The following SEC14L5 variants were observed in gnomAD, a reference collection of about 807,000 sequenced individuals.
The protein encoded by SEC14L5 is SEC14-like protein 5.
Under a neutral mutation model 84.6 loss-of-function variants are expected in SEC14L5, and 96 were observed. The ratio of observed to expected loss-of-function variants is 1.13; its 90% CI spans 0.96 to 1.34. The LOEUF is 1.34. SEC14L5 is among the 40% of genes most tolerant of loss of function. The pLI is 0.00. For synonymous variants in SEC14L5, 546 were observed against 383.4 expected, an observed-to-expected ratio of 1.42 and a Z score of -4.95; for missense variants, 1,224 against 942.5, an observed-to-expected ratio of 1.30 and a Z score of -3.91.
chr16:4,995,215 C>A (rs1393259248), intron 6 of SEC14L5, among the ~76,000 whole-genome samples: 1 of 152,230 alleles, frequency 6.6e-6, no homozygotes, highest in Non-Finnish European at 1.5e-5. Flanking sequence ...GAGGCTGCTG[C>A]TTTGTGTGAC....
intron 2 of SEC14L5, among the ~76,000 whole-genome samples, chr16:4,965,588 G>T (rs1201027319): frequency 6.7e-6 from 1 of 149,402 alleles, no homozygotes; most frequent in Non-Finnish European, 1.5e-5. Context: ...GTGAAACCGG[G>T]AGGCGGAGCT....
Position 5,014,936 on chromosome 16 carries a change from G to A in SEC14L5, c.2057G>A (p.Gly686Asp), listed in dbSNP as rs753934596. 1.2e-6 allele frequency: 2 copies of A among 1,612,338 alleles called. No homozygotes were observed. Among genetic ancestry groups the A allele is most frequent in the Admixed American group, 3.3e-5 (2 of 60,020 alleles). The change falls in exon 16 of 16, where the codon GGC (glycine) becomes GAC (aspartate). Residue 686 changes from glycine (G) to aspartate (D), a missense_variant. Gly to Asp is a moderately conservative substitution (Grantham distance 94). Coordinates refer to ENST00000251170, the MANE Select transcript of SEC14L5 (RefSeq NM_014692.2). ...LSAATSSSSS[G>D]QSHSSSLVSR Reference sequence around the variant, plus strand: ...GCCGCCACCTCGTCCTCCTCCTCCGGCCAGTCTCATAGCAGCTCCCTGGTC... The same window carrying A: ...GCCGCCACCTCGTCCTCCTCCTCCGACCAGTCTCATAGCAGCTCCCTGGTC...
In SEC14L5 at chr16:4,967,572, T is replaced by G. The variant is rs1472564500; in HGVS notation, c.63+8186T>G. 1.8e-4 allele frequency among the ~76,000 whole-genome samples: 23 copies of G among 130,298 alleles called. No homozygotes were observed. The East Asian group carries it at 4.8e-3, about 27-fold the overall frequency. The allele number at this position is 130,298 out of a possible 152,430, so 85.5% of individuals were successfully genotyped here. ...ACTTTTCTTTCTTTCGTTTTTTTTT[T>G]TTTTTTTTTTTTTTTTTTTTGACAG... On this transcript the variant is annotated intron_variant, in intron 2 of 15. Transcript: ENST00000251170.
intron 8 of SEC14L5, among the ~76,000 whole-genome samples, chr16:4,999,042 C>A (rs1028827937): frequency 1.3e-5 from 2 of 152,176 alleles, no homozygotes; most frequent in African/African-American, 2.4e-5. Flanking sequence ...TGTTTCAGTT[C>A]TCATACCCTA....
intron 2 of SEC14L5, among the ~76,000 whole-genome samples, chr16:4,983,856 G>T (rs1955455957): frequency 6.7e-6 from 1 of 150,148 alleles, no homozygotes; most frequent in Non-Finnish European, 1.5e-5. Context: ...CACCCTGGGT[G>T]ACAAGAACAA....
At chr16:4,962,046 A>G (rs1018608597) in intron 2 of SEC14L5, among the ~76,000 whole-genome samples, 84 of 152,120 alleles carry the variant, frequency 5.5e-4, no homozygotes, top group African/African-American at 2.0e-3. Context: ...ATATAGGCAT[A>G]CAGTCATCCC....
intron 2 of SEC14L5, among the ~76,000 whole-genome samples, chr16:4,966,618 C>G (rs560212298): frequency 6.6e-6 from 1 of 152,092 alleles, no homozygotes; most frequent in Non-Finnish European, 1.5e-5. Flanking sequence ...TCCTCATAGC[C>G]ACCCCATGAG....
chr16:4,994,056 G>A (rs191354529), intron 6 of SEC14L5, among the ~76,000 whole-genome samples: 141 of 150,590 alleles, frequency 9.4e-4, no homozygotes, highest in Admixed American at 3.9e-3. Context: ...GTTTGTAAGA[G>A]CTCTTTGTAT....
chr16:4,984,605 T>A (rs1955465100), intron 2 of SEC14L5, among the ~76,000 whole-genome samples: 1 of 152,234 alleles, frequency 6.6e-6, no homozygotes, highest in South Asian at 2.1e-4. Context: ...TTTGAAGAAC[T>A]GCCACACTGT....
intron 2 of SEC14L5, among the ~76,000 whole-genome samples, chr16:4,965,414 C>T (rs1955185946): frequency 1.3e-5 from 2 of 152,122 alleles, no homozygotes; most frequent in South Asian, 4.1e-4. Context: ...GTAATCCCAG[C>T]ACTTTAGGAG....
chr16:4,986,976 C>T (rs1170737601), intron 2 of SEC14L5, among the ~76,000 whole-genome samples: 1 of 152,174 alleles, frequency 6.6e-6, no homozygotes, highest in Admixed American at 6.5e-5. Flanking sequence ...ATGTCATCTG[C>T]AAATACAGAT....
chr16:4,968,753 C>A (rs1476140082), intron 2 of SEC14L5, among the ~76,000 whole-genome samples: 1 of 152,252 alleles, frequency 6.6e-6, no homozygotes. Context: ...CAGGTCATCT[C>A]TGTTTTGCAA....
chr16:4,996,456 G>A lies in SEC14L5; in HGVS notation c.776G>A (p.Gly259Asp). 1 of 1,552,692 alleles carries A rather than the reference G, an allele frequency of 6.4e-7. No homozygotes were observed. Among genetic ancestry groups the A allele is most frequent in the Non-Finnish European group, 8.7e-7 (1 of 1,144,320 alleles). Residue 259 changes from glycine to aspartate, a missense_variant, in exon 7 of 16, where the codon GGC (glycine) becomes GAC (aspartate). Coordinates refer to ENST00000251170, the MANE Select transcript of SEC14L5 (RefSeq NM_014692.2). Reference sequence around the variant, plus strand: ...CACTGGTTACAGGAGACCCACAAAGGCAAGGTGGGTGCAGGGGGTACCCTG... The same window carrying A: ...CACTGGTTACAGGAGACCCACAAAGACAAGGTGGGTGCAGGGGGTACCCTG... The part of the protein sequence containing the change: ...LRHWLQETHK[G>D]KIPKDEHILR...
intron 2 of SEC14L5, among the ~76,000 whole-genome samples, chr16:4,960,907 A>C (rs1955113084): frequency 6.6e-6 from 1 of 152,170 alleles, no homozygotes; most frequent in Non-Finnish European, 1.5e-5. Context: ...GAAGAGATCC[A>C]GGGACGTGAA....
intron 10 of SEC14L5, among the ~76,000 whole-genome samples, chr16:5,002,851 C>G (rs2142521848): frequency 6.6e-6 from 1 of 152,336 alleles, no homozygotes; most frequent in Non-Finnish European, 1.5e-5. Flanking sequence ...CTCTCAGCAC[C>G]TCTGCTCTAT....
intron 7 of SEC14L5, among the ~76,000 whole-genome samples, 190 bp downstream of exon 7, chr16:4,996,650 C>T (rs1357624305): frequency 6.6e-6 from 1 of 152,130 alleles, no homozygotes; most frequent in African/African-American, 2.4e-5. Context: ...ATCCTCACTG[C>T]AACCTTCGCC....
At chr16:4,977,539 A>G (rs1228032557) in intron 2 of SEC14L5, among the ~76,000 whole-genome samples, 1 of 151,618 alleles carries the variant, frequency 6.6e-6, no homozygotes, top group Non-Finnish European at 1.5e-5. Context: ...AATGCCTACC[A>G]AGGGCAACTT....
At chr16:4,990,990 C>T in intron 5 of SEC14L5, 95 bp downstream of exon 5, 1 of 1,045,932 alleles carries the variant, frequency 9.6e-7, no homozygotes, top group Non-Finnish European at 1.3e-6. Flanking sequence ...CTTACCCTTC[C>T]TGGGCTCAGT....
chr16:4,992,072 T>G, intron 6 of SEC14L5, 42 bp downstream of exon 6: 1 of 1,354,816 alleles, frequency 7.4e-7, no homozygotes, highest in Admixed American at 2.7e-5. Context: ...AGGAGGCTGC[T>G]GCAGGTCCTC....
Sources: allele counts gnomAD v4.1 joint callset (sites outside exome capture counted in the v4.1 genomes callset), GRCh38; gene constraint gnomAD v4.1.1; transcripts MANE v1.5; gene names NCBI Gene and HGNC (gene_info 2026-07-23, HGNC 2026-07-21).